The following MGAT4A variants were observed in gnomAD, a reference collection of about 807,000 sequenced individuals.
MGAT4A encodes the protein alpha-1,3-mannosyl-glycoprotein 4-beta-N-acetylglucosaminyltransferase A, also known as N-acetylglucosaminyltransferase IVa.
Under a neutral mutation model 74.1 loss-of-function variants are expected in MGAT4A, and 33 were observed. The observed-to-expected ratio is 0.45, with a 90% CI of 0.34 to 0.60. The LOEUF is 0.60. MGAT4A is among the 20% of genes least tolerant of loss of function. The pLI, the probability that MGAT4A is intolerant of heterozygous loss-of-function variation, is 0.02. For synonymous variants in MGAT4A, 198 were observed against 210.4 expected, an observed-to-expected ratio of 0.94 and a Z score of 0.51; for missense variants, 479 against 628.3, an observed-to-expected ratio of 0.76 and a Z score of 2.54.
chr2:98,625,179 TAA>T lies in MGAT4A; in HGVS notation c.*385_*386del, dbSNP rs776169562. ...TATATATATAATCCCTGATAATCTA[TAA>T]AAGAGGGTCTATAATAGTAAAATAA... On this transcript the variant is annotated 3_prime_UTR_variant, in exon 16 of 16. Coordinates refer to ENST00000393487, the MANE Select transcript of MGAT4A (RefSeq NM_012214.3). 58 of 817,364 alleles carry T rather than the reference TAA, an allele frequency of 7.1e-5. No homozygotes were observed. The highest frequency in any genetic ancestry group is 8.1e-5 in the Non-Finnish European group (55 of 677,032). The allele number at this position is 817,364 out of a possible 1,614,324, so 50.6% of individuals were successfully genotyped here.
intron 14 of MGAT4A, among the ~76,000 whole-genome samples, chr2:98,630,101 G>T (rs936732545): frequency 2.6e-5 from 4 of 152,126 alleles, no homozygotes; most frequent in Non-Finnish European, 5.9e-5. Context: ...TGCAGTTGAA[G>T]ATTTGCTTCT....
chr2:98,645,142 G>A (rs1014408625), intron 9 of MGAT4A, among the ~76,000 whole-genome samples: 2 of 152,192 alleles, frequency 1.3e-5, no homozygotes, highest in African/African-American at 4.8e-5. Context: ...TGTTAACAAA[G>A]GAGCTGGAAA....
At chr2:98,629,649 A>C (rs1313947963) in intron 14 of MGAT4A, among the ~76,000 whole-genome samples, 1 of 152,234 alleles carries the variant, frequency 6.6e-6, no homozygotes, top group Non-Finnish European at 1.5e-5. Context: ...AAAAGATTGC[A>C]AACAACCTAA....
intron 1 of MGAT4A, among the ~76,000 whole-genome samples, chr2:98,728,875 G>A (rs766867641): frequency 2.6e-5 from 4 of 152,070 alleles, no homozygotes; most frequent in Non-Finnish European, 5.9e-5. Context: ...ATTAATCCCG[G>A]TGTGGCATTA....
chr2:98,624,067 C>G lies in MGAT4A; in HGVS notation c.*1499G>C. The G allele has an allele frequency of 1.0e-6, 1 of 963,354 alleles. No homozygotes were observed. Among genetic ancestry groups the G allele is most frequent in the South Asian group, 4.8e-5 (1 of 20,856 alleles). The allele number at this position is 963,354 out of a possible 1,614,324, so 59.7% of individuals were successfully genotyped here. ...TAGCTGTGTCGCCCAGGCTGGAGTG[C>G]AGTGGTGCGATCTCAGCTCACTGCC... On this transcript the variant is annotated 3_prime_UTR_variant, in exon 16 of 16. Transcript: ENST00000393487.
At chr2:98,653,302 A>G (rs1192866759) in intron 8 of MGAT4A, among the ~76,000 whole-genome samples, 1 of 150,410 alleles carries the variant, frequency 6.6e-6, no homozygotes, top group Non-Finnish European at 1.5e-5. Context: ...CAGAAGGGAG[A>G]AAAAAAAATA....
chr2:98,643,868 C>G, intron 10 of MGAT4A, 55 bp downstream of exon 10: 2 of 1,398,520 alleles, frequency 1.4e-6, no homozygotes, highest in Non-Finnish European at 1.9e-6. Context: ...CTAAAAGTCA[C>G]TTTCACGAAA....
intron 2 of MGAT4A, among the ~76,000 whole-genome samples, chr2:98,718,775 T>C (rs1230852614): frequency 1.3e-5 from 2 of 152,196 alleles, no homozygotes; most frequent in Non-Finnish European, 2.9e-5. Flanking sequence ...AGGCTCTACA[T>C]TGGGTGCATG....
intron 2 of MGAT4A, among the ~76,000 whole-genome samples, chr2:98,717,098 G>A (rs543852891): frequency 5.3e-5 from 8 of 152,100 alleles, no homozygotes; most frequent in Non-Finnish European, 1.0e-4. Context: ...ACAAAGAAAG[G>A]GCCAGGCATG....
Position 98,631,512 on chromosome 2 carries a change from G to A in MGAT4A, c.1468+3710C>T, listed in dbSNP as rs76754869. ...TGCCTATAAAAGCCCTGAGACCCTA[G>A]CAGGCAGGCACACAAGTGGCTGGAC... On this transcript the variant is annotated intron_variant, in intron 14 of 15. Coordinates refer to ENST00000393487, the MANE Select transcript of MGAT4A (RefSeq NM_012214.3). 4.8e-3 allele frequency among the ~76,000 whole-genome samples: 725 copies of A among 152,376 alleles called. 4 individuals carry two copies. The highest frequency in any genetic ancestry group is 0.024 in the Middle Eastern group (7 of 294).
chr2:98,698,795 T>G (rs957644362), intron 2 of MGAT4A, among the ~76,000 whole-genome samples: 23 of 152,206 alleles, frequency 1.5e-4, no homozygotes, highest in African/African-American at 5.1e-4. Flanking sequence ...TTCTCTTTCT[T>G]TACTGGAAAA....
chr2:98,659,718 T>A (rs1371573107), intron 5 of MGAT4A, among the ~76,000 whole-genome samples: 1 of 152,226 alleles, frequency 6.6e-6, no homozygotes, highest in Non-Finnish European at 1.5e-5. Flanking sequence ...ATGTAAGACA[T>A]GCCTTTCGCC....
At chr2:98,673,460 G>C (rs902485444) in intron 4 of MGAT4A, among the ~76,000 whole-genome samples, 11 of 152,078 alleles carry the variant, frequency 7.2e-5, no homozygotes, top group African/African-American at 2.7e-4. Context: ...AAAATATTAA[G>C]AGCTTTTCCT....
At chr2:98,720,994 T>C (rs180804425) in intron 2 of MGAT4A, among the ~76,000 whole-genome samples, 1 of 152,172 alleles carries the variant, frequency 6.6e-6, no homozygotes, top group East Asian at 1.9e-4. Flanking sequence ...CACAAACACA[T>C]GGTGGAAATG....
Position 98,624,600 on chromosome 2 carries a change from CATAAA to C in MGAT4A, c.*961_*965del, listed in dbSNP as rs563221708. 4.1e-6 allele frequency: 4 copies of C among 984,950 alleles called. No individual in the cohort carries two copies. In the African/African-American group the frequency reaches 5.2e-5, roughly 13 times the overall value. The allele number at this position is 984,950 out of a possible 1,614,324, so 61.0% of individuals were successfully genotyped here. On this transcript the variant is annotated 3_prime_UTR_variant, in exon 16 of 16. Transcript: ENST00000393487. ...ACCTAGAAAACATTTTGTCTGACGTCATAAAATGAGTGCAGATATAAAAGAATCAA... is the reference window on the plus strand; with the variant it reads ...ACCTAGAAAACATTTTGTCTGACGTCATGAGTGCAGATATAAAAGAATCAA...
chr2:98,662,049 G>A (rs749627689), intron 5 of MGAT4A, among the ~76,000 whole-genome samples: 2 of 152,176 alleles, frequency 1.3e-5, no homozygotes, highest in Non-Finnish European at 2.9e-5. Flanking sequence ...TAAGGCATGA[G>A]AACCGCTAAC....
At chr2:98,649,002 T>C (rs990780331) in intron 8 of MGAT4A, among the ~76,000 whole-genome samples, 15 of 152,224 alleles carry the variant, frequency 9.9e-5, no homozygotes, top group African/African-American at 3.6e-4. Context: ...GCCACTGCGC[T>C]CCAGCCTGTG....
chr2:98,632,343 G>C (rs1348068258), intron 14 of MGAT4A, among the ~76,000 whole-genome samples: 1 of 152,218 alleles, frequency 6.6e-6, no homozygotes. Flanking sequence ...AAAGAAGCAA[G>C]CCACACCCCC....
chr2:98,631,360 T>C (rs775116060), intron 14 of MGAT4A, among the ~76,000 whole-genome samples: 16 of 152,228 alleles, frequency 1.1e-4, no homozygotes, highest in Non-Finnish European at 2.2e-4. Context: ...GAGAAGGTCA[T>C]GAGCCCTGGC....
Sources: allele counts gnomAD v4.1 joint callset (sites outside exome capture counted in the v4.1 genomes callset), GRCh38; gene constraint gnomAD v4.1.1; transcripts MANE v1.5; gene names NCBI Gene and HGNC (gene_info 2026-07-23, HGNC 2026-07-21).